The following TULP3 variants were observed in gnomAD, a reference collection of about 807,000 sequenced individuals.
TULP3 encodes TUB like protein 3.
In TULP3, 38 loss-of-function variants were observed where a neutral mutation model predicts 50.7. The ratio of observed to expected loss-of-function variants is 0.75; its 90% CI spans 0.58 to 0.98. TULP3 has a LOEUF of 0.98. Among genes scored for constraint, TULP3 ranks in the 50% least tolerant of loss-of-function variants. The probability of loss-of-function intolerance (pLI) is 0.00; values close to 1 mark genes in which losing one functional copy is unlikely to be tolerated. For synonymous variants in TULP3, 183 were observed against 196.6 expected, an observed-to-expected ratio of 0.93 and a Z score of 0.58; for missense variants, 550 against 568.0, an observed-to-expected ratio of 0.97 and a Z score of 0.32.
At chr12:2,903,972 C>T (rs10848729) in intron 1 of TULP3, among the ~76,000 whole-genome samples, 72,667 of 151,718 alleles carry the variant, frequency 0.48, 17,893 homozygotes, top group African/African-American at 0.6. Flanking sequence ...TTAGCAGAGA[C>T]GGGGTTTCAC....
At chr12:2,937,200 ATTT>A (rs771074689) in intron 8 of TULP3, among the ~76,000 whole-genome samples, 81 of 54,434 alleles carry the variant, frequency 1.5e-3, no homozygotes, top group African/African-American at 2.1e-3. Context: ...GGTACACCTG[ATTT>A]TTTTTTTTTT....
intron 7 of TULP3, 89 bp from the exon 8 acceptor site, chr12:2,934,358 A>T (rs2098199858): frequency 2.5e-6 from 2 of 786,588 alleles, no homozygotes; most frequent in East Asian, 6.0e-5. Flanking sequence ...GAAAACAGGC[A>T]AATAGGCTTC....
At chr12:2,904,988 C>A (rs897651823) in intron 1 of TULP3, among the ~76,000 whole-genome samples, 1 of 150,380 alleles carries the variant, frequency 6.6e-6, no homozygotes, top group Non-Finnish European at 1.5e-5. Context: ...GGGAGGCTGA[C>A]GCAGGAGAAT....
rs1029513339 is a variant in TULP3, at chr12:2,899,669, G to A, written c.41+8681G>A. On this transcript the variant is annotated intron_variant, in intron 1 of 10. Transcript: ENST00000448120. ...AGCACTTTGGGAGGCCAAGGTGGGC[G>A]GATCACGAGGTCAGAAGTTCGAGAC... Among the ~76,000 whole-genome samples, 6 of 152,086 alleles carry A rather than the reference G, an allele frequency of 3.9e-5. No individual in the cohort carries two copies. In the East Asian group the frequency reaches 5.8e-4, roughly 15 times the overall value.
At position 2,909,516 on chromosome 12, in the gene TULP3, T is replaced by A; in HGVS notation, c.42-13T>A. ...TTTTTATATACTTGCTTTATTTTTT[T>A]TTTTTTTAACAGTGTCTTCCATGAA... On this transcript the variant is annotated splice_polypyrimidine_tract_variant and intron_variant, in intron 1 of 10. Transcript: ENST00000448120. 6.3e-7 allele frequency: 1 copy of A among 1,575,276 alleles called. No individual in the cohort carries two copies.
In TULP3 at chr12:2,940,623, G is replaced by A. The variant is rs752060893; in HGVS notation, c.*1179G>A. 4.2e-5 allele frequency: 65 copies of A among 1,551,614 alleles called. No homozygotes were observed. Among genetic ancestry groups the A allele is most frequent in the South Asian group, 1.3e-4 (11 of 84,072 alleles). ...CTTGTGCACAGAACTGTTTGCCAGC[G>A]TTGGGTGGGACACCCGTGGCGGCTG... On this transcript the variant is annotated 3_prime_UTR_variant, in exon 11 of 11. Transcript: ENST00000448120.
intron 2 of TULP3, among the ~76,000 whole-genome samples, chr12:2,912,510 A>T (rs1303808797): frequency 6.6e-6 from 1 of 152,210 alleles, no homozygotes; most frequent in African/African-American, 2.4e-5. Context: ...GCCCAGATGT[A>T]CATTAGATTA....
intron 2 of TULP3, among the ~76,000 whole-genome samples, chr12:2,911,567 G>C (rs2098185612): frequency 6.8e-6 from 1 of 147,322 alleles, no homozygotes; most frequent in African/African-American, 2.5e-5. Context: ...GGGTTTCACT[G>C]TGTTAGCCAG....
chr12:2,910,992 G>A (rs1194480386), intron 2 of TULP3, among the ~76,000 whole-genome samples: 1 of 151,782 alleles, frequency 6.6e-6, no homozygotes, highest in African/African-American at 2.4e-5. Flanking sequence ...AGGCCCAATT[G>A]TACCTACTTT....
intron 5 of TULP3, 135 bp from the exon 6 acceptor site, chr12:2,930,902 T>G: frequency 1.1e-6 from 1 of 949,588 alleles, no homozygotes; most frequent in Non-Finnish European, 1.7e-6. Flanking sequence ...ATTTAACTTT[T>G]CAGTTTTCCT....
intron 8 of TULP3, among the ~76,000 whole-genome samples, chr12:2,937,104 CA>C (rs1329299805): frequency 7.9e-4 from 87 of 110,638 alleles, no homozygotes; most frequent in African/African-American, 1.7e-3. Context: ...GACTCTGTCT[CA>C]AAAAAAAAAA....
At position 2,928,607 on chromosome 12, in the gene TULP3, A is replaced by T. The variant is rs1382914379; in HGVS notation, c.395-1641A>T. Among the ~76,000 whole-genome samples the T allele has an allele frequency of 2.7e-5, 4 of 150,370 alleles. No homozygotes were observed. The East Asian group carries it at 7.8e-4, about 29-fold the overall frequency. ...GCTGTAAAGAATAATGCATCATTGA[A>T]TTTTTTTTTTACTGTGGTAAAATAT... On this transcript the variant is annotated intron_variant, in intron 4 of 10. Transcript: ENST00000448120.
At chr12:2,920,448 G>A (rs991730175) in intron 2 of TULP3, among the ~76,000 whole-genome samples, 2 of 152,106 alleles carry the variant, frequency 1.3e-5, no homozygotes, top group African/African-American at 2.4e-5. Flanking sequence ...GGTCAAGGCT[G>A]CAGTGAGCTG....
At chr12:2,891,207 GGGC>G (rs1355000657) in intron 1 of TULP3, among the ~76,000 whole-genome samples, 1 of 152,142 alleles carries the variant, frequency 6.6e-6, no homozygotes, top group Non-Finnish European at 1.5e-5. Flanking sequence ...CCCGCGCCGT[GGGC>G]AGAGACCTTT....
intron 1 of TULP3, among the ~76,000 whole-genome samples, chr12:2,899,879 C>T (rs34275919): frequency 0.46 from 63,135 of 136,460 alleles, 14,911 homozygotes; most frequent in African/African-American, 0.58. Flanking sequence ...GGCGACAGAG[C>T]GAGACTCCGT....
At chr12:2,936,147 G>A (rs1407285214) in intron 8 of TULP3, among the ~76,000 whole-genome samples, 1 of 152,058 alleles carries the variant, frequency 6.6e-6, no homozygotes, top group East Asian at 1.9e-4. Flanking sequence ...GCAGGCACCT[G>A]TAATCCCAGC....
At chr12:2,936,157 C>G (rs746631977) in intron 8 of TULP3, among the ~76,000 whole-genome samples, 4 of 152,024 alleles carry the variant, frequency 2.6e-5, no homozygotes, top group Non-Finnish European at 4.4e-5. Context: ...GTAATCCCAG[C>G]TACTCGGGAG....
chr12:2,897,671 G>C (rs2098176333), intron 1 of TULP3, among the ~76,000 whole-genome samples: 1 of 150,754 alleles, frequency 6.6e-6, no homozygotes. Context: ...GTATTGCCCA[G>C]GCTAGTCTTG....
chr12:2,891,001 C>T lies in TULP3; in HGVS notation c.41+13C>T. The T allele has an allele frequency of 6.3e-7, 1 of 1,578,162 alleles. No individual in the cohort carries two copies. Among genetic ancestry groups the T allele is most frequent in the Non-Finnish European group, 8.6e-7 (1 of 1,163,728 alleles). ...CCAGCGGCGACAGGTCAGACAGGGC[C>T]GTGGCAGGTCTCCTCCTGAGCGAGG... On this transcript the variant is annotated intron_variant, in intron 1 of 10. Transcript: ENST00000448120.
Sources: gnomAD v4.1 joint callset for allele counts (sites outside exome capture counted in the v4.1 genomes callset) on GRCh38, gnomAD v4.1.1 for gene constraint, MANE v1.5 for transcripts, NCBI Gene and HGNC (gene_info 2026-07-23, HGNC 2026-07-21) for gene names.